The following PRX variants were observed in gnomAD, a reference collection of about 807,000 sequenced individuals.
PRX encodes the protein periaxin.
A neutral mutation model predicts 29.6 loss-of-function variants in PRX; 24 were observed. That is an observed-to-expected ratio of 0.81 (90% CI 0.59 to 1.14). PRX has a LOEUF of 1.14. Among genes scored for constraint, PRX ranks in the 50% most tolerant of loss-of-function variants. PRX has a pLI of 0.00. For missense variants in PRX, 1,838 were observed against 1,926.4 expected (o/e 0.95, Z 0.86); for synonymous variants, 772 against 831.7 (o/e 0.93, Z 1.24).
chr19:40,398,892 G>A lies in PRX; in HGVS notation c.185-76C>T, dbSNP rs1458925020. ...CGGGCCTAGTTCTGCCCACTTGCAC[G>A]GAGCCCTCGCGGTGAGGACCCGCCC... On this transcript the variant is annotated intron_variant, in intron 5 of 6. Transcript: ENST00000324001. This position sits in a 1 kb window ranked among gnomAD's most constrained non-coding sequence, Gnocchi z 6.3. 13 of 1,602,344 alleles carry A rather than the reference G, an allele frequency of 8.1e-6. No individual in the cohort carries two copies. Among genetic ancestry groups the A allele is most frequent in the South Asian group, 1.1e-5 (1 of 89,934 alleles).
At chr19:40,408,460 C>T (rs1343896566) in intron 1 of PRX, 77 bp from the exon 2 acceptor site, 1 of 190,940 alleles carries the variant, frequency 5.2e-6, no homozygotes, top group Non-Finnish European at 1.1e-5. Context: ...CTGCTGCGTT[C>T]TGCTGATACC....
intron 5 of PRX, among the ~76,000 whole-genome samples, chr19:40,403,267 C>A (rs111922015): frequency 7.9e-4 from 121 of 152,262 alleles, no homozygotes; most frequent in African/African-American, 2.9e-3. Context: ...CTAAAACATC[C>A]TTTACTCTTC....
chr19:40,402,429 GCA>G (rs2079501671), intron 5 of PRX, among the ~76,000 whole-genome samples: 1 of 152,046 alleles, frequency 6.6e-6, no homozygotes, highest in South Asian at 2.1e-4. Context: ...GGCAACTGTA[GCA>G]CTTACTGCTT....
chr19:40,413,578 C>G (rs944627034), upstream of PRX, among the ~76,000 whole-genome samples: 13 of 152,170 alleles, frequency 8.5e-5, no homozygotes, highest in Admixed American at 3.9e-4. Context: ...TTGCCTGGGC[C>G]GAGATCTCTG....
chr19:40,398,224 A>T lies in PRX; in HGVS notation c.382-254T>A. 1 of 1,414,856 alleles carries T rather than the reference A, an allele frequency of 7.1e-7. No homozygotes were observed. The highest frequency in any genetic ancestry group is 1.6e-5 in the South Asian group (1 of 61,966). 87.6% of individuals were successfully genotyped at this position (1,414,856 alleles called of 1,614,324 possible). A position where few individuals can be genotyped will look rare whatever the true frequency, so the allele number is the denominator to read the frequency against. ...CAAGACTTCTAGATCCTGATCCGGG[A>T]TTTTCCCCAACATCCTCATTCTAGA... On this transcript the variant is annotated intron_variant, in intron 6 of 6. Coordinates refer to ENST00000324001, the MANE Select transcript of PRX (RefSeq NM_181882.3). The surrounding 1 kb of genome is among the most constrained non-coding windows in gnomAD (Gnocchi z 6.3).
At chr19:40,412,988 A>G (rs765035146) in intron 1 of PRX, among the ~76,000 whole-genome samples, 1 of 152,124 alleles carries the variant, frequency 6.6e-6, no homozygotes, top group African/African-American at 2.4e-5. Context: ...CAGCCTCCCA[A>G]AGTGCTGGGA....
chr19:40,403,100 G>A (rs2079507642), intron 5 of PRX, among the ~76,000 whole-genome samples: 1 of 152,174 alleles, frequency 6.6e-6, no homozygotes, highest in African/African-American at 2.4e-5. Flanking sequence ...AACCAGGGAG[G>A]CGGAGGTGGC....
chr19:40,398,624 T>C lies in PRX; in HGVS notation c.377A>G (p.Lys126Arg). ...EIKGPRAKVA[K>R]LNIQSLSPVK... ...GGCCGGGCTAAGCACGCGTACCAGC[T>C]TGGCCACCTTGGCCCGCGGGCCCTT... The change falls in exon 6 of 7, where the codon AAG becomes AGG. Residue 126 changes from lysine to arginine, a missense_variant. Lys to Arg is a conservative substitution (Grantham distance 26). Transcript: ENST00000324001. The surrounding 1 kb of genome is among the most constrained non-coding windows in gnomAD (Gnocchi z 6.3). 6.2e-7 allele frequency: 1 copy of C among 1,612,012 alleles called. No homozygotes were observed. The highest frequency in any genetic ancestry group is 8.5e-7 in the Non-Finnish European group (1 of 1,179,744).
At chr19:40,411,371 G>A (rs1343763987) in intron 1 of PRX, among the ~76,000 whole-genome samples, 1 of 152,190 alleles carries the variant, frequency 6.6e-6, no homozygotes. Flanking sequence ...CGAGACTTGA[G>A]CCCAGGTGTG....
At chr19:40,411,657 AC>A (rs2079559269) in intron 1 of PRX, among the ~76,000 whole-genome samples, 1 of 152,098 alleles carries the variant, frequency 6.6e-6, no homozygotes, top group Non-Finnish European at 1.5e-5. Context: ...TTCCTGAGCC[AC>A]GTACCCAGCC....
At chr19:40,410,743 C>T (rs754827262) in intron 1 of PRX, among the ~76,000 whole-genome samples, 87 of 152,086 alleles carry the variant, frequency 5.7e-4, no homozygotes, top group African/African-American at 1.9e-3. Flanking sequence ...TGGCAGCGCG[C>T]GCCTGTAATC....
chr19:40,395,559 G>T lies in PRX; in HGVS notation c.2793C>A (p.Phe931Leu). ...CCGAGAGTCCAAACTTAGGTAAGGA[G>T]AACTTGGAAGAGGGCTTGACTTTTG... ...IETKVKPSSK[F>L]SLPKFGLSGP... The change falls in exon 7 of 7, where the codon TTC (phenylalanine) becomes TTA (leucine). Residue 931 changes from phenylalanine to leucine, a missense_variant. This residue lies in a region of PRX where 1,143 missense variants were observed against 1,193.0 expected (regional missense o/e 0.96). Coordinates refer to ENST00000324001, the MANE Select transcript of PRX (RefSeq NM_181882.3). 1 of 1,614,208 alleles carries T rather than the reference G, an allele frequency of 6.2e-7. No individual in the cohort carries two copies. The highest frequency in any genetic ancestry group is 1.1e-5 in the South Asian group (1 of 91,078).
intron 1 of PRX, among the ~76,000 whole-genome samples, chr19:40,411,045 C>G (rs2079556259): frequency 6.6e-6 from 1 of 152,178 alleles, no homozygotes; most frequent in Non-Finnish European, 1.5e-5. Context: ...CACCCACAGG[C>G]CTCAAAATCA....
At chr19:40,408,981 C>A (rs2079546081) in intron 1 of PRX, among the ~76,000 whole-genome samples, 1 of 151,898 alleles carries the variant, frequency 6.6e-6, no homozygotes, top group Non-Finnish European at 1.5e-5. Context: ...CAGGCACGCA[C>A]CTTGGGACTA....
chr19:40,395,006 C>A lies in PRX; in HGVS notation c.3346G>T (p.Val1116Leu), dbSNP rs148075077. The change falls in exon 7 of 7, where the codon GTG (valine) becomes TTG (leucine). Residue 1116 changes from valine to leucine, a missense_variant. By Grantham distance (32) the Val-to-Leu change is conservative. Coordinates refer to ENST00000324001, the MANE Select transcript of PRX (RefSeq NM_181882.3). ...GACAGCTGCATTCCACTGACGGCCA[C>A]AGCCCCCTCTGCCCTCCCTTCCTCC... ...AQEEGRAEGAVAVSGMQLSGL... is the reference protein window; with the variant it reads ...AQEEGRAEGALAVSGMQLSGL... 18 of 1,609,556 alleles carry A rather than the reference C, an allele frequency of 1.1e-5. No homozygotes were observed. The African/African-American group carries it at 2.3e-4, about 20-fold the overall frequency.
Position 40,405,583 on chromosome 19 carries a change from TGGCTCAGCAGGCCCTG to T in PRX, c.28-1737_28-1722del, listed in dbSNP as rs1270013606. 1.3e-4 allele frequency among the ~76,000 whole-genome samples: 19 copies of T among 150,902 alleles called. 1 individual carries two copies. The highest frequency in any genetic ancestry group is 3.9e-4 in the African/African-American group (16 of 41,060). On this transcript the variant is annotated intron_variant, in intron 4 of 6. Transcript: ENST00000324001. Reference sequence around the variant, plus strand: ...CAGCATGACCACCAGTACCGCCCTTTGGCTCAGCAGGCCCTGGGCTCAGCATTTTATGTGCAGAATC... The same window carrying T: ...CAGCATGACCACCAGTACCGCCCTTTGGCTCAGCATTTTATGTGCAGAATC...
Position 40,395,751 on chromosome 19 carries a change from C to CA in PRX, c.2600dup (p.Gln868AlafsTer8). On this transcript the variant is annotated frameshift_variant, in exon 7 of 7. Coordinates refer to ENST00000324001, the MANE Select transcript of PRX (RefSeq NM_181882.3). LOFTEE classifies it low-confidence loss of function (END_TRUNC). ...TTTTAGCGGCTGGGACCTGCCCCTG[C>CA]AGGCCAAGTGCTCCTGGCAGGTCTA... 6.2e-7 allele frequency: 1 copy of CA among 1,614,012 alleles called. No homozygotes were observed. The highest frequency in any genetic ancestry group is 8.5e-7 in the Non-Finnish European group (1 of 1,179,980).
In PRX at chr19:40,397,679, C is replaced by A. The variant is rs754734195; in HGVS notation, c.673G>T (p.Ala225Ser). 5.8e-6 allele frequency: 9 copies of A among 1,556,810 alleles called. No individual in the cohort carries two copies. Among genetic ancestry groups the A allele is most frequent in the African/African-American group, 1.3e-5 (1 of 74,140 alleles). The change falls in exon 7 of 7, where the codon GCA becomes TCA. Residue 225 changes from alanine (A) to serine (S), a missense_variant. Physicochemically the swap from Ala to Ser is moderately conservative, Grantham distance 99. Coordinates refer to ENST00000324001, the MANE Select transcript of PRX (RefSeq NM_181882.3). ...TGAGGGGCTGTGAAACGAGCTCCTG[C>A]AGCCACCTCAGCCTCCACCTTGGCT... ...RKAKVEAEVA[A>S]GARFTAPQVE...
At position 40,394,310 on chromosome 19, in the gene PRX, C is replaced by T; in HGVS notation, c.4042G>A (p.Gly1348Arg). The T allele has an allele frequency of 6.2e-7, 1 of 1,610,682 alleles. No individual in the cohort carries two copies. Residue 1348 changes from glycine (G) to arginine (R), a missense_variant, in exon 7 of 7, where the codon GGG becomes AGG. By Grantham distance (125) the Gly-to-Arg change is moderately radical. This residue lies in a region of PRX where 1,143 missense variants were observed against 1,193.0 expected (regional missense o/e 0.96). Coordinates refer to ENST00000324001, the MANE Select transcript of PRX (RefSeq NM_181882.3). The surrounding 1 kb of genome is among the most constrained non-coding windows in gnomAD (Gnocchi z 5.8). ...TCCTCCTCCTCGGGGCTGGGGGACC[C>T]TTCCCCAGTGACCATCTCACTTTGG... ...FSQSEMVTGE[G>R]SPSPEEEEEE...
Sources: gnomAD v4.1 joint callset for allele counts (sites outside exome capture counted in the v4.1 genomes callset) on GRCh38, gnomAD v4.1.1 for gene constraint, gnomAD v4.1.1 regional missense constraint, Gnocchi (gnomAD v3.1) non-coding constraint, MANE v1.5 for transcripts, NCBI Gene and HGNC (gene_info 2026-07-23, HGNC 2026-07-21) for gene names.